C2orf92: variants seen among roughly 807,000 people sequenced by gnomAD.
C2orf92 encodes uncharacterized protein C2orf92.
chr2:97,681,736 T>C (rs1002118594), intron 3 of C2orf92, among the ~76,000 whole-genome samples: 18 of 152,034 alleles, frequency 1.2e-4, no homozygotes, highest in African/African-American at 4.3e-4. Context: ...CGGGCGCCTG[T>C]AGTCCCAGCT....
At chr2:97,690,670 C>T (rs997396867) in intron 5 of C2orf92, among the ~76,000 whole-genome samples, 2 of 151,672 alleles carry the variant, frequency 1.3e-5, no homozygotes, top group African/African-American at 2.4e-5. Context: ...TGTGAGCCAC[C>T]GGGCCTGGCC....
chr2:97,683,224 A>C (rs1286223462), intron 3 of C2orf92, among the ~76,000 whole-genome samples: 2 of 152,186 alleles, frequency 1.3e-5, no homozygotes, highest in African/African-American at 4.8e-5. Context: ...AATAATCCAA[A>C]CAAGATATGA....
intron 2 of C2orf92, 184 bp from the exon 3 acceptor site, chr2:97,675,660 GT>G (rs1217383256): frequency 1.5e-5 from 6 of 395,250 alleles, no homozygotes; most frequent in Non-Finnish European, 2.7e-5. Context: ...AGCCCCTGGT[GT>G]TGTGTTGGAA....
chr2:97,694,101 G>A (rs927441501), intron 5 of C2orf92, among the ~76,000 whole-genome samples: 3 of 152,010 alleles, frequency 2.0e-5, no homozygotes, highest in Non-Finnish European at 4.4e-5. Context: ...GGCAACCACC[G>A]TTCTACTTTC....
At chr2:97,690,784 T>G (rs1430507808) in intron 5 of C2orf92, among the ~76,000 whole-genome samples, 1 of 150,164 alleles carries the variant, frequency 6.7e-6, no homozygotes, top group Non-Finnish European at 1.5e-5. Context: ...TTTTTTTTTT[T>G]TGTTTTTTTT....
At chr2:97,664,998 C>T (rs1043453354), upstream of C2orf92, among the ~76,000 whole-genome samples, 4 of 152,190 alleles carry the variant, frequency 2.6e-5, no homozygotes, top group African/African-American at 9.7e-5. Flanking sequence ...GCACTTCTGC[C>T]CACTTTACAT....
At chr2:97,700,039 T>G (rs761141031) in intron 6 of C2orf92, among the ~76,000 whole-genome samples, 1 of 152,204 alleles carries the variant, frequency 6.6e-6, no homozygotes, top group African/African-American at 2.4e-5. Context: ...ATACCTGGGA[T>G]CATACCTCCA....
upstream of C2orf92, chr2:97,663,969 GGCGGCGGCTCCCGAC>G (rs1559291963): frequency 3.4e-6 from 3 of 886,040 alleles, no homozygotes; most frequent in African/African-American, 1.8e-5. Context: ...GGACCGGGAC[GGCGGCGGCTCCCGAC>G]GCGGCGCCGC....
In C2orf92 at chr2:97,702,794, G is replaced by C. The variant is rs1417758407; in HGVS notation, c.791G>C (p.Cys264Ser). Reference protein sequence around the residue: ...KKQKQLKSSSCV With the variant: ...KKQKQLKSSSSV ...CAGAAACAGTTGAAGAGCAGCTCCT[G>C]TGTCTAAGCCAGGTCGTGGGGCCGT... Residue 264 changes from cysteine (C) to serine (S), a missense_variant, in exon 8 of 8, where the codon TGT (cysteine) becomes TCT (serine). By Grantham distance (112) the Cys-to-Ser change is moderately radical (BLOSUM62 -1). Coordinates refer to ENST00000627399, the MANE Select transcript of C2orf92 (RefSeq NM_001351368.2). 1.5e-5 allele frequency: 6 copies of C among 398,906 alleles called. No homozygotes were observed. Among genetic ancestry groups the C allele is most frequent in the African/African-American group, 1.0e-4 (5 of 48,636 alleles). The allele number at this position is 398,906 out of a possible 1,614,324, so 24.7% of individuals were successfully genotyped here.
At chr2:97,685,349 TCTGC>T (rs1389955407) in intron 3 of C2orf92, among the ~76,000 whole-genome samples, 2 of 148,724 alleles carry the variant, frequency 1.3e-5, no homozygotes, top group Admixed American at 6.8e-5. Flanking sequence ...CACTGCAAAC[TCTGC>T]CTCCCAGGTT....
Position 97,691,780 on chromosome 2 carries a change from C to T in C2orf92, c.403+1453C>T, listed in dbSNP as rs186019828. Among the ~76,000 whole-genome samples, 259 of 152,198 alleles carry T rather than the reference C, an allele frequency of 1.7e-3. 2 individuals carry two copies. The highest frequency in any genetic ancestry group is 2.1e-3 in the Non-Finnish European group (146 of 67,996). On this transcript the variant is annotated intron_variant, in intron 5 of 7. Coordinates refer to ENST00000627399, the MANE Select transcript of C2orf92 (RefSeq NM_001351368.2). Reference sequence around the variant, plus strand: ...AGTCAGGAGTTCAAGACCAGCTACTCAGGAGGCTGAGGCAGGAGAATCGCT... The same window carrying T: ...AGTCAGGAGTTCAAGACCAGCTACTTAGGAGGCTGAGGCAGGAGAATCGCT...
rs566810096 is a variant in C2orf92 at position 97,699,705 on chromosome 2, C to T, written c.514+569C>T. Among the ~76,000 whole-genome samples, 12 of 152,276 alleles carry T rather than the reference C, an allele frequency of 7.9e-5. No homozygotes were observed. In the East Asian group the frequency reaches 2.3e-3, roughly 29 times the overall value. ...TGTTTCTATACAGCCAGGGCTTCAC[C>T]CTCGCTCATCCCTGAGCCCAGACCT... is the stretch of plus-strand genomic sequence containing the variant. On this transcript the variant is annotated intron_variant, in intron 6 of 7. Transcript: ENST00000627399.
chr2:97,701,737 C>T (rs527316271), intron 7 of C2orf92, among the ~76,000 whole-genome samples: 69 of 152,308 alleles, frequency 4.5e-4, no homozygotes, highest in African/African-American at 1.6e-3. Flanking sequence ...GCACAGCTGT[C>T]CTGCTTGTTA....
upstream of C2orf92, among the ~76,000 whole-genome samples, chr2:97,665,142 G>A (rs530936100): frequency 1.6e-4 from 24 of 152,292 alleles, no homozygotes; most frequent in African/African-American, 5.3e-4. Flanking sequence ...GCCCCCTGCG[G>A]CACTGGAGTC....
chr2:97,689,368 A>C (rs1021110667), intron 4 of C2orf92, among the ~76,000 whole-genome samples: 1 of 152,200 alleles, frequency 6.6e-6, no homozygotes, highest in Non-Finnish European at 1.5e-5. Context: ...TTCTAAGTGC[A>C]CAACGTGGTT....
At chr2:97,677,859 A>G (rs1183934332) in intron 3 of C2orf92, 1 of 152,218 alleles carries the variant, frequency 6.6e-6, no homozygotes, top group African/African-American at 2.4e-5. Context: ...AATAATATCA[A>G]TAAAGAGATA....
At chr2:97,687,118 A>G (rs889391781) in intron 3 of C2orf92, among the ~76,000 whole-genome samples, 2 of 151,346 alleles carry the variant, frequency 1.3e-5, no homozygotes, top group African/African-American at 4.9e-5. Context: ...TAATTTCAAC[A>G]CTTTGCAAGG....
chr2:97,701,033 G>A, intron 6 of C2orf92, 121 bp from the exon 7 acceptor site: 2 of 389,204 alleles, frequency 5.1e-6, no homozygotes, highest in Non-Finnish European at 9.1e-6. Flanking sequence ...GCCCGGCCGA[G>A]ATGCCAAGGT....
intron 3 of C2orf92, among the ~76,000 whole-genome samples, chr2:97,687,059 G>T (rs1214814474): frequency 6.6e-6 from 1 of 151,738 alleles, no homozygotes; most frequent in African/African-American, 2.4e-5. Flanking sequence ...ACCCTTAATT[G>T]TACACTTAAA....
Sources: gnomAD v4.1 joint callset for allele counts (sites outside exome capture counted in the v4.1 genomes callset) on GRCh38, gnomAD v4.1.1 for gene constraint, MANE v1.5 for transcripts, NCBI Gene and HGNC (gene_info 2026-07-23, HGNC 2026-07-21) for gene names.